PTPN22: variants seen among roughly 807,000 people sequenced by gnomAD.
The protein encoded by PTPN22 is tyrosine-protein phosphatase non-receptor type 22.
A neutral mutation model predicts 103.3 loss-of-function variants in PTPN22; 85 were observed. That is an observed-to-expected ratio of 0.82 (90% CI 0.69 to 0.99). The LOEUF (loss-of-function observed/expected upper bound fraction) is 0.99. Ranked by LOEUF, PTPN22 falls within the 50% of genes least tolerant of loss-of-function variation. PTPN22 has a pLI of 0.00. For synonymous variants in PTPN22, 323 were observed against 310.2 expected, an observed-to-expected ratio of 1.04 and a Z score of -0.43; for missense variants, 865 against 936.9, an observed-to-expected ratio of 0.92 and a Z score of 1.00.
chr1:113,858,864 C>T (rs1213856620), intron 3 of PTPN22, 138 bp downstream of exon 3: 3 of 1,400,516 alleles, frequency 2.1e-6, no homozygotes, highest in African/African-American at 2.9e-5. Context: ...GTCTGAAATT[C>T]TTGCGTTCAA....
chr1:113,834,834 C>G lies in PTPN22; in HGVS notation c.1894+76G>C, dbSNP rs547244124. 1.0e-4 allele frequency: 124 copies of G among 1,210,932 alleles called. 1 individual carries two copies. The Admixed American group carries it at 1.4e-3, about 13-fold the overall frequency. The allele number at this position is 1,210,932 out of a possible 1,614,324, so 75.0% of individuals were successfully genotyped here. On this transcript the variant is annotated intron_variant, in intron 14 of 20. Transcript: ENST00000359785. ...ACTCAAGGCTCACACATCAGCTTCC[C>G]AAAGTGCTGGAATTAAAGGCATGAG...
chr1:113,856,771 C>A, intron 5 of PTPN22, 152 bp from the exon 6 acceptor site: 1 of 879,068 alleles, frequency 1.1e-6, no homozygotes, highest in Non-Finnish European at 1.7e-6. Flanking sequence ...ATTGGAATCT[C>A]CAAAGATGGG....
At chr1:113,838,008 G>A (rs1663172790) in exon 13 of PTPN22, 5 of 1,614,012 alleles carry the variant, frequency 3.1e-6, no homozygotes, top group Non-Finnish European at 4.2e-6. Flanking sequence ...TTTCCTTGCT[G>A]TCCACCTCCT....
At chr1:113,826,979 A>G (rs2101908030) in intron 18 of PTPN22, among the ~76,000 whole-genome samples, 1 of 152,174 alleles carries the variant, frequency 6.6e-6, no homozygotes, top group African/African-American at 2.4e-5. Context: ...TGGAGTCTCT[A>G]ATTTATCTCT....
intron 1 of PTPN22, among the ~76,000 whole-genome samples, chr1:113,864,614 CA>C (rs34054118): frequency 0.26 from 18,100 of 70,884 alleles, 1,138 homozygotes; most frequent in East Asian, 0.39. Flanking sequence ...GGCCCTGTCT[CA>C]AAAAAAAAAA....
intron 11 of PTPN22, among the ~76,000 whole-genome samples, chr1:113,841,791 C>T (rs954755396): frequency 5.3e-5 from 8 of 152,154 alleles, no homozygotes; most frequent in South Asian, 2.1e-4. Context: ...GTAGGAGAGA[C>T]GGGATTTCAC....
At chr1:113,835,145 A>C (rs1377217446) in intron 13 of PTPN22, 152 bp from the exon 14 acceptor site, 1 of 461,912 alleles carries the variant, frequency 2.2e-6, no homozygotes, top group Non-Finnish European at 3.6e-6. Context: ...TTGTTCATTC[A>C]AGGAAAAAGC....
chr1:113,849,471 C>T (rs1323862494), intron 10 of PTPN22, among the ~76,000 whole-genome samples: 1 of 152,132 alleles, frequency 6.6e-6, no homozygotes, highest in Non-Finnish European at 1.5e-5. Flanking sequence ...TTCCCTGACA[C>T]TTTACACATT....
chr1:113,837,555 C>T (rs1663124907), intron 13 of PTPN22, 35 bp downstream of exon 13: 12 of 1,422,976 alleles, frequency 8.4e-6, no homozygotes, highest in Non-Finnish European at 1.2e-5. Flanking sequence ...AAAATGAAAT[C>T]TAAAATTCTA....
intron 1 of PTPN22, among the ~76,000 whole-genome samples, chr1:113,860,292 C>A (rs1665455991): frequency 6.6e-6 from 1 of 152,154 alleles, no homozygotes; most frequent in African/African-American, 2.4e-5. Flanking sequence ...GTATTACTAG[C>A]TATTATTGCT....
At chr1:113,833,419 A>T (rs1158143437) in intron 15 of PTPN22, among the ~76,000 whole-genome samples, 1 of 152,160 alleles carries the variant, frequency 6.6e-6, no homozygotes, top group African/African-American at 2.4e-5. Flanking sequence ...ATTTAATTAG[A>T]GGTAAGTTGC....
intron 13 of PTPN22, among the ~76,000 whole-genome samples, chr1:113,837,200 T>A (rs1663089824): frequency 6.6e-6 from 1 of 151,558 alleles, no homozygotes; most frequent in Non-Finnish European, 1.5e-5. Flanking sequence ...GCCTGTAATC[T>A]CAGCACTTTG....
At chr1:113,855,847 CT>C (rs938612721) in intron 7 of PTPN22, among the ~76,000 whole-genome samples, 1 of 152,208 alleles carries the variant, frequency 6.6e-6, no homozygotes, top group African/African-American at 2.4e-5. Context: ...TATATTAAAT[CT>C]TTTTGCCTTA....
intron 5 of PTPN22, 74 bp downstream of exon 5, chr1:113,857,664 T>C: frequency 7.1e-7 from 1 of 1,411,738 alleles, no homozygotes; most frequent in Non-Finnish European, 1.0e-6. Flanking sequence ...TCAGGTAAGT[T>C]CTGCTGCCAA....
At chr1:113,832,213 A>AAG in intron 16 of PTPN22, among the ~76,000 whole-genome samples, 1 of 152,150 alleles carries the variant, frequency 6.6e-6, no homozygotes, top group Admixed American at 6.5e-5. Context: ...TTTGAGATGG[A>AAG]GTCTCGCTCT....
intron 19 of PTPN22, among the ~76,000 whole-genome samples, chr1:113,824,106 C>CCT (rs1553246266): frequency 1.4e-5 from 2 of 146,754 alleles, no homozygotes; most frequent in Non-Finnish European, 3.0e-5. Context: ...CACCATGGTT[C>CCT]TTTTTTTTTT....
chr1:113,826,880 G>C (rs1046281995), intron 18 of PTPN22, among the ~76,000 whole-genome samples: 142 of 151,036 alleles, frequency 9.4e-4, no homozygotes, highest in Middle Eastern at 3.4e-3. Flanking sequence ...CGTTTTAGCC[G>C]GGATGGCCTC....
intron 5 of PTPN22, 86 bp downstream of exon 5, chr1:113,857,652 A>T: frequency 8.0e-7 from 1 of 1,244,766 alleles, no homozygotes; most frequent in East Asian, 2.4e-5. Context: ...ATCTAGGTAC[A>T]CTCAGGTAAG....
exon 13 of PTPN22, chr1:113,838,171 T>C (rs1192857772): frequency 1.2e-6 from 2 of 1,614,046 alleles, no homozygotes; most frequent in African/African-American, 2.7e-5. Context: ...TTGATGCTTC[T>C]GAAGAGGCTC....
Sources: allele counts gnomAD v4.1 joint callset (sites outside exome capture counted in the v4.1 genomes callset), GRCh38; gene constraint gnomAD v4.1.1; transcripts MANE v1.5; gene names NCBI Gene and HGNC (gene_info 2026-07-23, HGNC 2026-07-21).